Variants in LSAMP observed in about 807,000 individuals in gnomAD.
LSAMP encodes the protein limbic system associated membrane protein.
A neutral mutation model predicts 38.6 loss-of-function variants in LSAMP; 7 were observed. The ratio of observed to expected loss-of-function variants is 0.18; its 90% CI spans 0.10 to 0.34. The LOEUF is 0.34. LSAMP is among the 10% of genes least tolerant of loss of function. The pLI, the probability that LSAMP is intolerant of heterozygous loss-of-function variation, is 1.00. For synonymous variants in LSAMP, 154 were observed against 166.8 expected, an observed-to-expected ratio of 0.92 and a Z score of 0.59; for missense variants, 313 against 420.0, an observed-to-expected ratio of 0.75 and a Z score of 2.23.
intron 2 of LSAMP, among the ~76,000 whole-genome samples, chr3:116,025,150 GTTTTC>G (rs751065418): frequency 6.6e-5 from 10 of 152,046 alleles, no homozygotes; most frequent in Non-Finnish European, 1.3e-4. Flanking sequence ...TCTGTGTAGT[GTTTTC>G]TTTTCTTTCT....
Position 116,436,970 on chromosome 3 carries a change from G to T in LSAMP, c.155+7907C>A, listed in dbSNP as rs563103008. 9.3e-5 allele frequency among the ~76,000 whole-genome samples: 14 copies of T among 150,972 alleles called. No homozygotes were observed. In the East Asian group the frequency reaches 2.5e-3, roughly 27 times the overall value. ...GCCCATTAATCAACAAGTAGATAAA[G>T]AAAGTGTGGCATATATATATATGCA... On this transcript the variant is annotated intron_variant, in intron 1 of 6. Transcript: ENST00000490035.
chr3:115,942,764 A>G (rs1183990923), intron 3 of LSAMP, among the ~76,000 whole-genome samples: 1 of 152,132 alleles, frequency 6.6e-6, no homozygotes, highest in Non-Finnish European at 1.5e-5. Context: ...TTGCCAGTAA[A>G]TTTTCATGCA....
intron 1 of LSAMP, among the ~76,000 whole-genome samples, chr3:116,440,080 A>G (rs933746491): frequency 6.6e-6 from 1 of 152,236 alleles, no homozygotes; most frequent in African/African-American, 2.4e-5. Context: ...GACTTGCTTA[A>G]AGTTACAGCA....
intron 1 of LSAMP, among the ~76,000 whole-genome samples, chr3:116,355,474 C>G (rs1342309192): frequency 6.6e-6 from 1 of 152,246 alleles, no homozygotes; most frequent in East Asian, 1.9e-4. Flanking sequence ...AGACCTGAAA[C>G]TATGAAATTA....
chr3:116,317,356 C>CTT (rs71616348), intron 1 of LSAMP, among the ~76,000 whole-genome samples: 41 of 140,050 alleles, frequency 2.9e-4, no homozygotes, highest in African/African-American at 6.0e-4. Flanking sequence ...CTCTTTCTTT[C>CTT]TTTTTTTTTT....
chr3:116,253,304 G>A (rs1268475499), intron 1 of LSAMP, among the ~76,000 whole-genome samples: 1 of 152,106 alleles, frequency 6.6e-6, no homozygotes, highest in African/African-American at 2.4e-5. Context: ...TGGAACTACA[G>A]AAAACAAGAG....
chr3:116,094,403 A>G (rs1268489390), intron 1 of LSAMP, among the ~76,000 whole-genome samples: 1 of 152,108 alleles, frequency 6.6e-6, no homozygotes, highest in African/African-American at 2.4e-5. Flanking sequence ...TGTTCTCCTC[A>G]TCTTCATTCC....
intron 3 of LSAMP, among the ~76,000 whole-genome samples, chr3:115,954,952 T>C (rs984205435): frequency 1.7e-4 from 7 of 40,178 alleles, no homozygotes; most frequent in Non-Finnish European, 6.2e-4. Context: ...TTTCTGTTTT[T>C]GTTTTTGTTT....
At chr3:116,203,531 C>T (rs199835617) in intron 1 of LSAMP, among the ~76,000 whole-genome samples, 1 of 149,088 alleles carries the variant, frequency 6.7e-6, no homozygotes, top group African/African-American at 2.5e-5. Flanking sequence ...GTATATCTCC[C>T]AATGCTATCC....
chr3:116,382,643 A>G (rs2048576128), intron 1 of LSAMP, among the ~76,000 whole-genome samples: 1 of 152,256 alleles, frequency 6.6e-6, no homozygotes, highest in South Asian at 2.1e-4. Flanking sequence ...CCTAGAACTT[A>G]AAGTATAATA....
intron 1 of LSAMP, among the ~76,000 whole-genome samples, chr3:116,159,743 T>C (rs752576739): frequency 6.6e-6 from 1 of 152,182 alleles, no homozygotes; most frequent in Non-Finnish European, 1.5e-5. Context: ...CATAAAGGAA[T>C]GTAAATCATT....
At chr3:116,324,257 A>G (rs1447825671) in intron 1 of LSAMP, among the ~76,000 whole-genome samples, 1 of 152,200 alleles carries the variant, frequency 6.6e-6, no homozygotes, top group East Asian at 1.9e-4. Flanking sequence ...AAGCAATAAC[A>G]GATTTGAGGA....
chr3:116,072,342 G>T (rs1707626851), intron 2 of LSAMP, among the ~76,000 whole-genome samples: 1 of 152,046 alleles, frequency 6.6e-6, no homozygotes, highest in Non-Finnish European at 1.5e-5. Flanking sequence ...TTCCTATTGT[G>T]AATAGTCTTG....
At chr3:116,289,613 C>A (rs548773853) in intron 1 of LSAMP, among the ~76,000 whole-genome samples, 1 of 152,044 alleles carries the variant, frequency 6.6e-6, no homozygotes, top group East Asian at 1.9e-4. Flanking sequence ...AACTAGAGGC[C>A]CAGAAAACCC....
At chr3:116,004,508 G>GTA (rs1173318042) in intron 3 of LSAMP, among the ~76,000 whole-genome samples, 3 of 135,606 alleles carry the variant, frequency 2.2e-5, no homozygotes, top group African/African-American at 8.6e-5. Flanking sequence ...AAATGTGTGT[G>GTA]TGTATATATA....
intron 1 of LSAMP, among the ~76,000 whole-genome samples, chr3:116,219,945 TG>T (rs2046262422): frequency 6.6e-6 from 1 of 152,018 alleles, no homozygotes; most frequent in African/African-American, 2.4e-5. Context: ...GAGGCCAAAA[TG>T]GGTGGATCAC....
At chr3:115,873,933 A>G (rs905145235) in intron 3 of LSAMP, among the ~76,000 whole-genome samples, 5 of 152,130 alleles carry the variant, frequency 3.3e-5, no homozygotes, top group African/African-American at 9.7e-5. Context: ...GAATCAGTCT[A>G]TGATGGTGCA....
chr3:116,040,321 C>CATAGAG (rs1941141003), intron 2 of LSAMP, among the ~76,000 whole-genome samples: 1 of 152,154 alleles, frequency 6.6e-6, no homozygotes, highest in Non-Finnish European at 1.5e-5. Flanking sequence ...CTGATGAGAG[C>CATAGAG]AATCTGTCTT....
intron 3 of LSAMP, among the ~76,000 whole-genome samples, chr3:116,007,132 T>G (rs1243749611): frequency 6.6e-6 from 1 of 152,156 alleles, no homozygotes; most frequent in Non-Finnish European, 1.5e-5. Flanking sequence ...CTTCCCATCA[T>G]CAGATTTTAA....
Sources: gnomAD v4.1 joint callset for allele counts (sites outside exome capture counted in the v4.1 genomes callset) on GRCh38, gnomAD v4.1.1 for gene constraint, MANE v1.5 for transcripts, NCBI Gene and HGNC (gene_info 2026-07-23, HGNC 2026-07-21) for gene names.